Variants in SLC38A12 observed in about 807,000 individuals in gnomAD.
The protein encoded by SLC38A12 is putative sodium-coupled neutral amino acid transporter 12.
At chr17:74,832,928 T>C in the SLC38A12 span, among the ~76,000 whole-genome samples, 2 of 152,260 alleles carry the variant, frequency 1.3e-5, no homozygotes, top group Non-Finnish European at 2.9e-5. Context: ...GGGTGACTAA[T>C]CTAGGTAATC....
chr17:74,796,831 G>A, the SLC38A12 span, among the ~76,000 whole-genome samples: 3 of 152,226 alleles, frequency 2.0e-5, no homozygotes, highest in Admixed American at 6.5e-5. Flanking sequence ...CATGGCAGCC[G>A]GAGGGGTGAG....
chr17:74,838,446 A>G, the SLC38A12 span: 287,260 of 1,018,790 alleles, frequency 0.28, 41,214 homozygotes, highest in East Asian at 0.44. Context: ...AGACAAAGCT[A>G]ATTAAATCAT....
the SLC38A12 span, among the ~76,000 whole-genome samples, chr17:74,824,993 C>T: frequency 8.8e-4 from 134 of 152,344 alleles, 1 homozygote; most frequent in African/African-American, 3.1e-3. Flanking sequence ...CAGACAGCCT[C>T]CCAGTGGGAC....
chr17:74,812,618 G>T, the SLC38A12 span, among the ~76,000 whole-genome samples: 1 of 151,708 alleles, frequency 6.6e-6, no homozygotes, highest in Non-Finnish European at 1.5e-5. Context: ...TAACCTCCAG[G>T]ATCAGGGAGC....
At chr17:74,800,271 G>A in the SLC38A12 span, among the ~76,000 whole-genome samples, 4 of 152,350 alleles carry the variant, frequency 2.6e-5, no homozygotes, top group South Asian at 2.1e-4. Context: ...GGGGTGACCC[G>A]GCTGAGCATG....
the SLC38A12 span, among the ~76,000 whole-genome samples, chr17:74,780,926 G>T: frequency 6.6e-6 from 1 of 152,302 alleles, no homozygotes; most frequent in South Asian, 2.1e-4. Context: ...TCTTTTGGGA[G>T]CATGCTTATT....
the SLC38A12 span, among the ~76,000 whole-genome samples, chr17:74,795,354 G>A: frequency 6.6e-6 from 1 of 152,202 alleles, no homozygotes; most frequent in Non-Finnish European, 1.5e-5. Flanking sequence ...ATTGGGAAAT[G>A]GTGCTGCAGG....
the SLC38A12 span, among the ~76,000 whole-genome samples, chr17:74,818,460 T>C: frequency 6.6e-6 from 1 of 151,248 alleles, no homozygotes; most frequent in Non-Finnish European, 1.5e-5. Flanking sequence ...ACAGTGATAA[T>C]GGACTTGGAT....
the SLC38A12 span, chr17:74,837,002 A>C: frequency 2.7e-5 from 31 of 1,139,896 alleles, no homozygotes; most frequent in East Asian, 1.6e-4. Context: ...CCCCAACCCT[A>C]CTTCCAGGGC....
At chr17:74,812,437 T>C in the SLC38A12 span, among the ~76,000 whole-genome samples, 2 of 152,074 alleles carry the variant, frequency 1.3e-5, no homozygotes, top group East Asian at 3.9e-4. Context: ...GAAATAAAAA[T>C]AGAATCCTTG....
the SLC38A12 span, among the ~76,000 whole-genome samples, chr17:74,816,717 C>T: frequency 7.6e-3 from 1,146 of 151,734 alleles, 15 homozygotes; most frequent in African/African-American, 0.026. Flanking sequence ...TTGGCTGCAG[C>T]GACTCGTGTC....
the SLC38A12 span, among the ~76,000 whole-genome samples, chr17:74,777,016 G>A: frequency 6.6e-6 from 1 of 152,158 alleles, no homozygotes; most frequent in Non-Finnish European, 1.5e-5. Flanking sequence ...CTTGCACCCC[G>A]AGCAGCATTG....
chr17:74,777,336 G>A, the SLC38A12 span: 14 of 1,614,092 alleles, frequency 8.7e-6, no homozygotes, highest in Middle Eastern at 3.3e-4. Flanking sequence ...TGGAAATGGC[G>A]GGTGAAATTA....
At chr17:74,826,832 C>T in the SLC38A12 span, among the ~76,000 whole-genome samples, 1 of 152,140 alleles carries the variant, frequency 6.6e-6, no homozygotes, top group Non-Finnish European at 1.5e-5. Context: ...GTGGGGATTG[C>T]CTGGCCTTGA....
chr17:74,837,915 G>T, the SLC38A12 span: 1 of 985,626 alleles, frequency 1.0e-6, no homozygotes, highest in Non-Finnish European at 1.2e-6. Context: ...GGAGCCCAGA[G>T]CCCCTGGCCT....
the SLC38A12 span, among the ~76,000 whole-genome samples, chr17:74,833,725 A>T: frequency 6.6e-6 from 1 of 152,144 alleles, no homozygotes; most frequent in Non-Finnish European, 1.5e-5. Flanking sequence ...AGCTAGAGGA[A>T]TTCTCCACTT....
chr17:74,807,786 G>A, the SLC38A12 span, among the ~76,000 whole-genome samples: 1 of 152,196 alleles, frequency 6.6e-6, no homozygotes, highest in Non-Finnish European at 1.5e-5. Flanking sequence ...TCCACAGACA[G>A]GTCTGTTCCT....
the SLC38A12 span, chr17:74,819,922 G>T: frequency 4.5e-6 from 6 of 1,341,478 alleles, no homozygotes; most frequent in Non-Finnish European, 6.4e-6. Flanking sequence ...GGCCGTGCAG[G>T]GCCCCCAGCC....
At chr17:74,836,727 C>T in the SLC38A12 span, 1 of 1,542,896 alleles carries the variant, frequency 6.5e-7, no homozygotes, top group Non-Finnish European at 8.7e-7. This position sits in a 1 kb window ranked among gnomAD's most constrained non-coding sequence, Gnocchi z 4.2. Context: ...GGCATAGGGG[C>T]CCCAGCCCCA....
Sources: gnomAD v4.1 joint callset for allele counts (sites outside exome capture counted in the v4.1 genomes callset) on GRCh38, gnomAD v4.1.1 for gene constraint, Gnocchi (gnomAD v3.1) non-coding constraint, MANE v1.5 for transcripts, NCBI Gene and HGNC (gene_info 2026-07-23, HGNC 2026-07-21) for gene names.